The following SLC36A4 variants were observed in gnomAD, a reference collection of about 807,000 sequenced individuals.
SLC36A4 encodes neutral amino acid uniporter 4.
A neutral mutation model predicts 50.5 loss-of-function variants in SLC36A4; 49 were observed. The observed-to-expected ratio is 0.97, with a 90% confidence interval of 0.77 to 1.23. The LOEUF (loss-of-function observed/expected upper bound fraction) is 1.23. SLC36A4 is among the 50% of genes most tolerant of loss of function. The pLI is 0.00. For synonymous variants in SLC36A4, 207 were observed against 206.5 expected (o/e 1.00, Z -0.02); for missense variants, 611 against 608.4 (o/e 1.00, Z -0.05).
rs1444788774 is a variant in SLC36A4 at position 93,147,293 on chromosome 11, T to G, written c.*1244A>C. The G allele has an allele frequency of 6.6e-6, 1 of 152,128 alleles. No homozygotes were observed. The highest frequency in any genetic ancestry group is 1.9e-4 in the East Asian group (1 of 5,174). 9.4% of individuals were successfully genotyped at this position (152,128 alleles called of 1,614,324 possible). A position where few individuals can be genotyped will look rare whatever the true frequency, so the allele number is the denominator to read the frequency against. On this transcript the variant is annotated 3_prime_UTR_variant, in exon 11 of 11. Transcript: ENST00000326402. ...CAGACCACCACACCTAGCTGATTCT[T>G]TTATTCTGCTCATAATAAATAAAAG... is the stretch of plus-strand genomic sequence containing the variant.
intron 1 of SLC36A4, among the ~76,000 whole-genome samples, chr11:93,195,048 T>C (rs1392320414): frequency 6.6e-6 from 1 of 151,872 alleles, no homozygotes; most frequent in East Asian, 1.9e-4. Flanking sequence ...TTAGGGCTGC[T>C]TGAGTCTCCT....
rs116379020 is a variant in SLC36A4 at position 93,167,599 on chromosome 11, T to A, written c.768+345A>T. Reference sequence around the variant, plus strand: ...ATTATGGAATTGCATATATATATATTAATGAGTACCTGGTTTCATGTTTGG... The same window carrying A: ...ATTATGGAATTGCATATATATATATAAATGAGTACCTGGTTTCATGTTTGG... On this transcript the variant is annotated intron_variant, in intron 7 of 10. Transcript: ENST00000326402. 1,053 of 182,418 alleles carry A rather than the reference T, an allele frequency of 5.8e-3. 10 individuals carry two copies. The highest frequency in any genetic ancestry group is 0.023 in the African/African-American group (997 of 42,698). 11.3% of individuals were successfully genotyped at this position (182,418 alleles called of 1,614,324 possible).
intron 9 of SLC36A4, chr11:93,160,271 C>T: frequency 1.0e-6 from 1 of 985,392 alleles, no homozygotes; most frequent in Non-Finnish European, 1.2e-6. Context: ...AAGGCATTAA[C>T]CAATGCAAAT....
At chr11:93,159,570 C>G (rs1003649685) in intron 9 of SLC36A4, among the ~76,000 whole-genome samples, 8 of 152,172 alleles carry the variant, frequency 5.3e-5, no homozygotes, top group Non-Finnish European at 1.0e-4. Flanking sequence ...TGAGAACTAT[C>G]TGCAATCCTT....
At position 93,168,144 on chromosome 11, in the gene SLC36A4, CTT is replaced by C; in HGVS notation, c.566_567del (p.Lys189SerfsTer6). On this transcript the variant is annotated frameshift_variant, in exon 7 of 11. Coordinates refer to ENST00000326402, the MANE Select transcript of SLC36A4 (RefSeq NM_152313.4). LOFTEE classifies it high-confidence loss of function. ...KQVHEGFLESKVFISNSTNSS... is the reference protein window; with the variant it reads ...KQVHEGFLESXVFISNSTNSS... ...GAATTGGTACTATTTGAAATAAACA[CTT>C]TACTCTCCAGGAATCCTTCATGAAC... 1 of 1,610,848 alleles carries C rather than the reference CTT, an allele frequency of 6.2e-7. No individual in the cohort carries two copies. The highest frequency in any genetic ancestry group is 8.5e-7 in the Non-Finnish European group (1 of 1,178,382).
chr11:93,158,153 G>A (rs1474464823), intron 9 of SLC36A4, among the ~76,000 whole-genome samples: 3 of 152,110 alleles, frequency 2.0e-5, no homozygotes, highest in Non-Finnish European at 4.4e-5. Flanking sequence ...TCAGCTTGAG[G>A]CTTAAAGGTT....
intron 7 of SLC36A4, chr11:93,167,661 C>A (rs1860938774): frequency 3.1e-6 from 1 of 326,564 alleles, no homozygotes; most frequent in Non-Finnish European, 5.5e-6. Flanking sequence ...TCTCATAACT[C>A]TAATAGGGTA....
At chr11:93,160,323 T>C (rs1481008443) in intron 9 of SLC36A4, 1 of 985,322 alleles carries the variant, frequency 1.0e-6, no homozygotes, top group Non-Finnish European at 1.2e-6. Flanking sequence ...TTTCCTGTTT[T>C]TTCCAGATTT....
In SLC36A4 at chr11:93,164,610, G is replaced by T. The variant is rs141825786; in HGVS notation, c.867+1308C>A. 2.9e-3 allele frequency among the ~76,000 whole-genome samples: 447 copies of T among 152,316 alleles called. 2 individuals are homozygous for T. The highest frequency in any genetic ancestry group is 0.01 in the African/African-American group (416 of 41,578). ...AATAGCAGCAAGAGGGCAGAGAACA[G>T]TTTGGATGCTATGGAGATAATCCAG... is the stretch of plus-strand genomic sequence containing the variant. On this transcript the variant is annotated intron_variant, in intron 8 of 10. Transcript: ENST00000326402.
At position 93,178,250 on chromosome 11, in the gene SLC36A4, C is replaced by T. The variant is rs141014732; in HGVS notation, c.540+2547G>A. On this transcript the variant is annotated intron_variant, in intron 6 of 10. Coordinates refer to ENST00000326402, the MANE Select transcript of SLC36A4 (RefSeq NM_152313.4). ...CCATTTGCTAAGACCGTTGGAAAAGCGCATTATTAGGGTGGGAGTGTCCCA... is the reference window on the plus strand; with the variant it reads ...CCATTTGCTAAGACCGTTGGAAAAGTGCATTATTAGGGTGGGAGTGTCCCA... Among the ~76,000 whole-genome samples the T allele has an allele frequency of 4.3e-3, 648 of 152,230 alleles. 5 individuals are homozygous for T. The highest frequency in any genetic ancestry group is 0.015 in the African/African-American group (616 of 41,530).
At chr11:93,194,198 T>C (rs116271271) in intron 1 of SLC36A4, among the ~76,000 whole-genome samples, 75 of 152,188 alleles carry the variant, frequency 4.9e-4, no homozygotes, top group African/African-American at 1.8e-3. Flanking sequence ...GTGCTTTTCC[T>C]TCTCTGGAAA....
chr11:93,151,660 TTTATAGGTTTTGA>T (rs753680014), intron 10 of SLC36A4, among the ~76,000 whole-genome samples: 25 of 152,166 alleles, frequency 1.6e-4, no homozygotes, highest in Non-Finnish European at 2.8e-4. Flanking sequence ...CTACTAAAGA[TTTATAGGTTTTGA>T]TACTTATAAA....
chr11:93,183,704 A>T lies in SLC36A4; in HGVS notation c.270+726T>A, dbSNP rs557621293. On this transcript the variant is annotated intron_variant, in intron 3 of 10. Transcript: ENST00000326402. ...TTACTTTTCTTTTATTTATTTATTT[A>T]TTTTTTTTTTTGAGACAGAGTCTTG... 6.5e-3 allele frequency among the ~76,000 whole-genome samples: 948 copies of T among 144,926 alleles called. 5 individuals carry two copies. The highest frequency in any genetic ancestry group is 0.016 in the African/African-American group (612 of 38,304).
chr11:93,168,177 T>A lies in SLC36A4; in HGVS notation c.541-6A>T. 1 of 1,561,494 alleles carries A rather than the reference T, an allele frequency of 6.4e-7. No individual in the cohort carries two copies. Among genetic ancestry groups the A allele is most frequent in the African/African-American group, 1.4e-5 (1 of 72,934 alleles). ...TCCAGGAATCCTTCATGAACCTACA[T>A]AGGATTACCAGGAGAATAAAGAAGG... is the stretch of plus-strand genomic sequence containing the variant. On this transcript the variant is annotated splice_region_variant and splice_polypyrimidine_tract_variant and intron_variant, in intron 6 of 10. Transcript: ENST00000326402.
chr11:93,149,628 A>G lies in SLC36A4; in HGVS notation c.1208-784T>C, dbSNP rs117954333. On this transcript the variant is annotated intron_variant, in intron 10 of 10. Coordinates refer to ENST00000326402, the MANE Select transcript of SLC36A4 (RefSeq NM_152313.4). ...GCATCAGAAAAATTCAAATTGAAAG[A>G]AATTCTACACAATTACTGACATTTC... Among the ~76,000 whole-genome samples, 228 of 152,206 alleles carry G rather than the reference A, an allele frequency of 1.5e-3. 7 individuals are homozygous for G. In the East Asian group the frequency reaches 0.039, roughly 26 times the overall value.
chr11:93,153,826 G>A (rs1425643754), intron 10 of SLC36A4: 1 of 173,390 alleles, frequency 5.8e-6, no homozygotes, highest in African/African-American at 2.4e-5. Flanking sequence ...AATGGAAGGG[G>A]TCCCATGTAC....
At position 93,182,881 on chromosome 11, in the gene SLC36A4, C is replaced by G. The variant is rs772010810; in HGVS notation, c.284G>C (p.Ser95Thr). ...AGAAATAATTCCTATAAACACAAGGCTGATTGGTCCAAGCTGTGGGGAAAA... is the reference window on the plus strand; with the variant it reads ...AGAAATAATTCCTATAAACACAAGGGTGATTGGTCCAAGCTGTGGGGAAAA... Reference protein sequence around the residue: ...KNAGIVLGPISLVFIGIISVH... With the variant: ...KNAGIVLGPITLVFIGIISVH... Residue 95 changes from serine (S) to threonine (T), a missense_variant, in exon 4 of 11, where the codon AGC becomes ACC. Transcript: ENST00000326402. The G allele has an allele frequency of 3.7e-6, 6 of 1,610,708 alleles. No individual in the cohort carries two copies. In the East Asian group the frequency reaches 1.3e-4, roughly 36 times the overall value.
In SLC36A4 at chr11:93,144,979, T is replaced by C. The variant is rs149072563; in HGVS notation, c.*3558A>G. 1 of 152,176 alleles carries C rather than the reference T, an allele frequency of 6.6e-6. No individual in the cohort carries two copies. Among genetic ancestry groups the C allele is most frequent in the African/African-American group, 2.4e-5 (1 of 41,568 alleles). 9.4% of individuals were successfully genotyped at this position (152,176 alleles called of 1,614,324 possible). On this transcript the variant is annotated 3_prime_UTR_variant, in exon 11 of 11. Coordinates refer to ENST00000326402, the MANE Select transcript of SLC36A4 (RefSeq NM_152313.4). ...TTTTATTTATTATTTACACTAGCTC[T>C]ATTTCAAATCTTCTCCTTTTAAATG...
At chr11:93,177,426 AC>A (rs1397859937) in intron 6 of SLC36A4, among the ~76,000 whole-genome samples, 1 of 152,152 alleles carries the variant, frequency 6.6e-6, no homozygotes, top group Non-Finnish European at 1.5e-5. Context: ...GTTTGTTACT[AC>A]CGATCGTCTG....
Sources: allele counts gnomAD v4.1 joint callset (sites outside exome capture counted in the v4.1 genomes callset), GRCh38; gene constraint gnomAD v4.1.1; transcripts MANE v1.5; gene names NCBI Gene and HGNC (gene_info 2026-07-23, HGNC 2026-07-21).